The following RIF1 variants were observed in gnomAD, a reference collection of about 807,000 sequenced individuals.
The protein encoded by RIF1 is telomere-associated protein RIF1.
RIF1 carries 45 observed loss-of-function variants against 247.1 expected under a neutral mutation model. The ratio of observed to expected loss-of-function variants is 0.18; its 90% confidence interval spans 0.14 to 0.23. The LOEUF is 0.23. Among genes scored for constraint, RIF1 ranks in the 10% least tolerant of loss-of-function variants. The probability of loss-of-function intolerance (pLI) is 1.00; values close to 1 mark genes in which losing one functional copy is unlikely to be tolerated. For missense variants in RIF1, 2,967 were observed against 2,862.5 expected (o/e 1.04, Z -0.83); for synonymous variants, 1,087 against 978.8 (o/e 1.11, Z -2.06).
At chr2:151,489,899 A>C (rs2054771459) in intron 9 of RIF1, 1 of 1,196,690 alleles carries the variant, frequency 8.4e-7, no homozygotes, top group Admixed American at 1.7e-5. Context: ...CGTAATACCT[A>C]ATACTTATAA....
chr2:151,425,682 T>TTTTTG (rs1553477252), intron 8 of RIF1, among the ~76,000 whole-genome samples: 1 of 146,746 alleles, frequency 6.8e-6, no homozygotes, highest in Non-Finnish European at 1.5e-5. Flanking sequence ...TTTTTTTTTT[T>TTTTTG]GTGAGACAGA....
In RIF1 at chr2:151,410,206, C is replaced by G. The variant is rs1454895578; in HGVS notation, c.-11+173C>G. The G allele has an allele frequency of 4.7e-6, 3 of 634,970 alleles. No homozygotes were observed. In the South Asian group the frequency reaches 5.3e-5, roughly 11 times the overall value. 39.3% of individuals were successfully genotyped at this position (634,970 alleles called of 1,614,324 possible). A position where few individuals can be genotyped will look rare whatever the true frequency, so the allele number is the denominator to read the frequency against. ...GTGGTGGCGGGAGCGGGCCCAGGCC[C>G]GAATGTGGCGTGGGCTCAGGTGTCT... On this transcript the variant is annotated intron_variant, in intron 1 of 35. Coordinates refer to ENST00000444746, the MANE Select transcript of RIF1 (RefSeq NM_018151.5).
At chr2:151,423,897 T>C (rs535308900) in intron 8 of RIF1, 1 of 152,302 alleles carries the variant, frequency 6.6e-6, no homozygotes, top group South Asian at 2.1e-4. Flanking sequence ...CCACTATCTA[T>C]ACCCAAAACC....
intron 10 of RIF1, chr2:151,495,331 G>A (rs1414152022): frequency 6.6e-6 from 1 of 152,218 alleles, no homozygotes; most frequent in Non-Finnish European, 1.5e-5. Context: ...AGCAAGGTCA[G>A]TAATGAGAAC....
the RIF1 span, chr2:151,514,211 C>CT: frequency 4.0e-6 from 3 of 742,188 alleles, no homozygotes; most frequent in Non-Finnish European, 4.7e-6. Context: ...ATGAAAAGCT[C>CT]TGTTTTTCTC....
chr2:151,423,128 A>G (rs1688450441), intron 8 of RIF1, 86 bp downstream of exon 8: 1 of 744,748 alleles, frequency 1.3e-6, no homozygotes, highest in Non-Finnish European at 2.3e-6. Flanking sequence ...GTTGATGCTC[A>G]TTATTTCCTT....
At chr2:151,485,962 A>G (rs143932500), downstream of RIF1, 289 of 1,609,232 alleles carry the variant, frequency 1.8e-4, no homozygotes, top group Non-Finnish European at 2.4e-4. Context: ...AAGGGGAAAT[A>G]TTATATGTTG....
intron 10 of RIF1, 34 bp downstream of exon 10, chr2:151,433,262 G>A (rs1690504857): frequency 1.3e-6 from 2 of 1,534,862 alleles, no homozygotes; most frequent in Non-Finnish European, 8.9e-7. Flanking sequence ...AGCACTTTAT[G>A]TTTTTGTTAA....
intron 3 of RIF1, among the ~76,000 whole-genome samples, chr2:151,412,552 A>G (rs779414654): frequency 1.3e-5 from 2 of 152,084 alleles, no homozygotes; most frequent in Non-Finnish European, 2.9e-5. Flanking sequence ...CAGTGGCACA[A>G]TCTCAGCTCA....
At chr2:151,519,853 G>C in the RIF1 span, 5 of 853,858 alleles carry the variant, frequency 5.9e-6, no homozygotes, top group South Asian at 5.4e-5. Context: ...AAATGCCAAA[G>C]AATATGCATT....
At chr2:151,526,039 G>C in the RIF1 span, 5 of 1,613,870 alleles carry the variant, frequency 3.1e-6, no homozygotes, top group Non-Finnish European at 4.2e-6. Flanking sequence ...CCTGTGCCAA[G>C]TGCTTCTTGA....
At chr2:151,431,279 C>G (rs1407755693) in intron 9 of RIF1, among the ~76,000 whole-genome samples, 3 of 152,168 alleles carry the variant, frequency 2.0e-5, no homozygotes, top group Admixed American at 6.6e-5. Context: ...TCACAGCTTA[C>G]TCACCTATAC....
intron 11 of RIF1, among the ~76,000 whole-genome samples, chr2:151,502,385 CA>C (rs2065325034): frequency 1.1e-5 from 1 of 93,338 alleles, no homozygotes; most frequent in East Asian, 4.0e-4. Context: ...AACATCTAAA[CA>C]TAAAAAAAAA....
chr2:151,526,892 C>T, the RIF1 span: 2 of 1,461,888 alleles, frequency 1.4e-6, no homozygotes, highest in South Asian at 1.2e-5. Flanking sequence ...TGAGGTTAGG[C>T]ATCATGGAAG....
the RIF1 span, chr2:151,524,407 G>A: frequency 6.2e-7 from 1 of 1,613,940 alleles, no homozygotes; most frequent in East Asian, 2.2e-5. Context: ...GCTTGGCTCT[G>A]TACTCCACCT....
chr2:151,496,142 A>G, intron 10 of RIF1: 1 of 1,042,798 alleles, frequency 9.6e-7, no homozygotes, highest in Non-Finnish European at 1.4e-6. Flanking sequence ...CCAAAGGAAA[A>G]AAGGGTAAAT....
intron 9 of RIF1, among the ~76,000 whole-genome samples, chr2:151,430,571 C>T (rs980055089): frequency 2.0e-5 from 3 of 152,198 alleles, no homozygotes; most frequent in Non-Finnish European, 2.9e-5. Flanking sequence ...CTGCCTGCCT[C>T]GGTCTCCCAA....
chr2:151,502,762 A>ATTT lies in RIF1; in HGVS notation c.*710-261_*710-259dup, dbSNP rs201290038. 7.7e-6 allele frequency: 8 copies of ATTT among 1,039,322 alleles called. No homozygotes were observed. The African/African-American group carries it at 1.1e-4, about 15-fold the overall frequency. The allele number at this position is 1,039,322 out of a possible 1,614,324, so 64.4% of individuals were successfully genotyped here. ...TTATTATTTTAAATAAAATTAAGGGATTTTTTTTTTTTTGGCCCCCTAAGA... is the reference window on the plus strand; with the variant it reads ...TTATTATTTTAAATAAAATTAAGGGATTTTTTTTTTTTTTTTGGCCCCCTAAGA... On this transcript the variant is annotated intron_variant and NMD_transcript_variant, in intron 11 of 13. Coordinates refer to the RIF1 transcript ENST00000454583.
the RIF1 span, chr2:151,524,438 G>A: frequency 2.5e-6 from 4 of 1,612,702 alleles, no homozygotes; most frequent in Non-Finnish European, 2.5e-6. Context: ...AAACCAAAAT[G>A]GGCAACAGGT....
Sources: allele counts gnomAD v4.1 joint callset (sites outside exome capture counted in the v4.1 genomes callset), GRCh38; gene constraint gnomAD v4.1.1; transcripts MANE v1.5; gene names NCBI Gene and HGNC (gene_info 2026-07-23, HGNC 2026-07-21).